Variants in TANC2 observed in about 807,000 individuals in gnomAD.
TANC2 encodes the protein tetratricopeptide repeat, ankyrin repeat and coiled-coil containing 2, also known as protein TANC2.
A neutral mutation model predicts 210.5 loss-of-function variants in TANC2; 26 were observed. That is an observed-to-expected ratio of 0.12 (90% CI 0.09 to 0.17). The LOEUF is 0.17. Ranked by LOEUF, TANC2 falls within the 10% of genes least tolerant of loss-of-function variation. The probability of loss-of-function intolerance (pLI) is 1.00; values close to 1 mark genes in which losing one functional copy is unlikely to be tolerated. For synonymous variants in TANC2, 931 were observed against 967.1 expected, an observed-to-expected ratio of 0.96 and a Z score of 0.69; for missense variants, 2,129 against 2,608.9, an observed-to-expected ratio of 0.82 and a Z score of 4.01.
At chr17:63,333,551 G>A (rs2045928145) in intron 11 of TANC2, among the ~76,000 whole-genome samples, 1 of 152,182 alleles carries the variant, frequency 6.6e-6, no homozygotes, top group Non-Finnish European at 1.5e-5. Context: ...TGGTAAAGAT[G>A]CTGTGAGCAT....
chr17:63,071,368 T>C (rs1474490592), intron 2 of TANC2, among the ~76,000 whole-genome samples: 1 of 152,092 alleles, frequency 6.6e-6, no homozygotes, highest in Admixed American at 6.6e-5. Context: ...CATAGCTCAT[T>C]GTAACCTCAA....
At chr17:63,102,333 T>C (rs1305800407) in intron 4 of TANC2, among the ~76,000 whole-genome samples, 1 of 149,390 alleles carries the variant, frequency 6.7e-6, no homozygotes, top group Non-Finnish European at 1.5e-5. Flanking sequence ...TAAAAATAAA[T>C]AAATAAATAA....
Position 63,389,656 on chromosome 17 carries a change from T to C in TANC2, c.3051+112T>C, listed in dbSNP as rs141550622. The C allele has an allele frequency of 1.2e-4, 126 of 1,054,344 alleles. No individual in the cohort carries two copies. The East Asian group carries it at 3.0e-3, about 25-fold the overall frequency. 65.3% of individuals were successfully genotyped at this position (1,054,344 alleles called of 1,614,324 possible). On this transcript the variant is annotated intron_variant, in intron 17 of 27. Transcript: ENST00000689528. ...AGTCTGGGTAGAGTATATCAAACCA[T>C]GATGGAGAGGAGATCAGAGAGAGTG...
At chr17:63,068,096 A>G (rs1439237576) in intron 2 of TANC2, among the ~76,000 whole-genome samples, 1 of 152,196 alleles carries the variant, frequency 6.6e-6, no homozygotes, top group East Asian at 1.9e-4. Flanking sequence ...CTAGAGGGGA[A>G]CAACAATTTG....
At chr17:63,328,376 ATG>A (rs61546119) in intron 11 of TANC2, among the ~76,000 whole-genome samples, 36,108 of 146,592 alleles carry the variant, frequency 0.25, 4,299 homozygotes, top group South Asian at 0.3. Flanking sequence ...GTATGTGTAT[ATG>A]TGTGTGTGTG....
chr17:63,117,924 AT>A (rs2038314082), intron 4 of TANC2, among the ~76,000 whole-genome samples: 1 of 152,140 alleles, frequency 6.6e-6, no homozygotes, highest in African/African-American at 2.4e-5. Flanking sequence ...TTAATTTTTA[AT>A]TGTGTGTTCT....
At position 63,355,177 on chromosome 17, in the gene TANC2, A is replaced by T; in HGVS notation, c.2369A>T (p.His790Leu). ...CTGAATGTGGCAGTGGCCTCTCTCC[A>T]CCCACTGACTGATGAGCATATCTTC... Residue 790 changes from histidine (H) to leucine (L), a missense_variant, in exon 14 of 28, where the codon CAC (histidine) becomes CTC (leucine). Physicochemically the swap from His to Leu is moderately conservative, Grantham distance 99. Transcript: ENST00000689528. The T allele has an allele frequency of 6.2e-7, 1 of 1,613,698 alleles. No homozygotes were observed. The highest frequency in any genetic ancestry group is 8.5e-7 in the Non-Finnish European group (1 of 1,179,770).
At position 63,412,601 on chromosome 17, in the gene TANC2, T is replaced by C; in HGVS notation, c.3899-79T>C. Reference sequence around the variant, plus strand: ...GCTGCCTGCCTCTCACTGCTGCTTTTTCCTTCTTTTTTTTTTTTTCACCTT... The same window carrying C: ...GCTGCCTGCCTCTCACTGCTGCTTTCTCCTTCTTTTTTTTTTTTTCACCTT... On this transcript the variant is annotated intron_variant, in intron 23 of 27. Transcript: ENST00000689528. The surrounding 1 kb of genome is among the most constrained non-coding windows in gnomAD (Gnocchi z 4.2). The C allele has an allele frequency of 7.3e-7, 1 of 1,378,346 alleles. No homozygotes were observed. Among genetic ancestry groups the C allele is most frequent in the Non-Finnish European group, 9.9e-7 (1 of 1,007,420 alleles). 85.4% of individuals were successfully genotyped at this position (1,378,346 alleles called of 1,614,324 possible).
intron 1 of TANC2, among the ~76,000 whole-genome samples, chr17:62,985,191 A>G (rs2032506425): frequency 6.6e-6 from 1 of 151,980 alleles, no homozygotes; most frequent in Non-Finnish European, 1.5e-5. Flanking sequence ...CAGTAATTTC[A>G]ATATATCATC....
At chr17:63,008,212 T>C (rs1053017453) in intron 1 of TANC2, among the ~76,000 whole-genome samples, 3 of 152,184 alleles carry the variant, frequency 2.0e-5, no homozygotes, top group Admixed American at 6.5e-5. Context: ...CTTTCAGATA[T>C]GGCTTCATGT....
intron 9 of TANC2, among the ~76,000 whole-genome samples, chr17:63,295,119 T>C (rs1350998879): frequency 6.6e-6 from 1 of 152,194 alleles, no homozygotes; most frequent in Non-Finnish European, 1.5e-5. Flanking sequence ...TAGGGCTTTC[T>C]TTTATCATAT....
At chr17:63,319,050 G>C in exon 11 of TANC2, 1 of 1,613,426 alleles carries the variant, frequency 6.2e-7, no homozygotes, top group Non-Finnish European at 8.5e-7. Flanking sequence ...CCGGAAATGC[G>C]CAGGCGGCAG....
chr17:63,057,492 C>A (rs1161382746), intron 2 of TANC2, among the ~76,000 whole-genome samples: 1 of 152,030 alleles, frequency 6.6e-6, no homozygotes, highest in Non-Finnish European at 1.5e-5. Flanking sequence ...GAATTTGTGT[C>A]ATGGGGGTGT....
Position 63,420,892 on chromosome 17 carries a change from C to G in TANC2, c.5162C>G (p.Ala1721Gly). ...CCCACAGGAGCCTATGGCCAAGTAG[C>G]CCATTCAATGGCCAGTAAATACCAG... The change falls in exon 28 of 28, where the codon GCC becomes GGC. Residue 1721 changes from alanine (A) to glycine (G), a missense_variant. Coordinates refer to ENST00000689528, the Ensembl canonical transcript of TANC2. The surrounding 1 kb of genome is among the most constrained non-coding windows in gnomAD (Gnocchi z 4.2). The G allele has an allele frequency of 6.2e-7, 1 of 1,614,030 alleles. No homozygotes were observed. The highest frequency in any genetic ancestry group is 1.1e-5 in the South Asian group (1 of 91,084).
At chr17:62,980,589 T>G (rs1219508274) in intron 1 of TANC2, among the ~76,000 whole-genome samples, 4 of 152,170 alleles carry the variant, frequency 2.6e-5, no homozygotes, top group African/African-American at 9.7e-5. Flanking sequence ...TGACTTCCTC[T>G]CCTCCATTGA....
chr17:63,359,791 C>T (rs1286647290), intron 14 of TANC2, among the ~76,000 whole-genome samples: 1 of 152,074 alleles, frequency 6.6e-6, no homozygotes, highest in East Asian at 1.9e-4. Context: ...TTTGGTTTGA[C>T]CTGATTTCCT....
chr17:63,066,366 G>A (rs149285715), intron 2 of TANC2, among the ~76,000 whole-genome samples: 119 of 152,184 alleles, frequency 7.8e-4, no homozygotes, highest in Non-Finnish European at 1.6e-3. Flanking sequence ...TGGTAGGGCA[G>A]GTCTGGAGCA....
intron 4 of TANC2, among the ~76,000 whole-genome samples, chr17:63,122,157 G>A (rs894345110): frequency 2.6e-5 from 4 of 152,106 alleles, no homozygotes; most frequent in Non-Finnish European, 4.4e-5. Flanking sequence ...ATTTCATGTC[G>A]GAACTAGAGA....
rs2031535258 is a variant in TANC2 at position 62,969,092 on chromosome 17, T to G, written c.-24+2343T>G. ...AATACTGTATTGCTTGAAAAAAATCTGCATAGGAGTAGACCAGCACAGTTT... is the reference window on the plus strand; with the variant it reads ...AATACTGTATTGCTTGAAAAAAATCGGCATAGGAGTAGACCAGCACAGTTT... On this transcript the variant is annotated intron_variant, in intron 1 of 27. Coordinates refer to ENST00000689528, the Ensembl canonical transcript of TANC2. Among the ~76,000 whole-genome samples, 3 of 152,062 alleles carry G rather than the reference T, an allele frequency of 2.0e-5. No individual in the cohort carries two copies. In the South Asian group the frequency reaches 6.2e-4, roughly 32 times the overall value.
Sources: allele counts gnomAD v4.1 joint callset (sites outside exome capture counted in the v4.1 genomes callset), GRCh38; gene constraint gnomAD v4.1.1; non-coding constraint Gnocchi (gnomAD v3.1); transcripts MANE v1.5; gene names NCBI Gene and HGNC (gene_info 2026-07-23, HGNC 2026-07-21).